The following LHX4 variants were observed in gnomAD, a reference collection of about 807,000 sequenced individuals.
LHX4 encodes the protein LIM homeobox 4.
In LHX4, 16 loss-of-function variants were observed where a neutral mutation model predicts 39.2. The observed-to-expected ratio is 0.41, with a 90% CI of 0.28 to 0.62. The LOEUF (loss-of-function observed/expected upper bound fraction) is 0.62. Ranked by LOEUF, LHX4 falls within the 20% of genes least tolerant of loss-of-function variation. The pLI, the probability that LHX4 is intolerant of heterozygous loss-of-function variation, is 0.33. For missense variants in LHX4, 439 were observed against 511.9 expected, an observed-to-expected ratio of 0.86 and a Z score of 1.37; for synonymous variants, 206 against 198.1, an observed-to-expected ratio of 1.04 and a Z score of -0.33.
chr1:180,275,419 TGTG>T lies in LHX4; in HGVS notation c.*842_*844del, dbSNP rs1203486841. ...GGCTGTAAAATGAGCAAAACTAAAA[TGTG>T]GGGAGAACAAAATGACAATCAATCA... On this transcript the variant is annotated 3_prime_UTR_variant, in exon 6 of 6. Coordinates refer to ENST00000263726, the MANE Select transcript of LHX4 (RefSeq NM_033343.4). 6.6e-6 allele frequency: 1 copy of T among 152,180 alleles called. No individual in the cohort carries two copies. The highest frequency in any genetic ancestry group is 2.4e-5 in the African/African-American group (1 of 41,440). The allele number at this position is 152,180 out of a possible 1,614,324, so 9.4% of individuals were successfully genotyped here. A position where few individuals can be genotyped will look rare whatever the true frequency, so the allele number is the denominator to read the frequency against.
intron 5 of LHX4, 61 bp downstream of exon 5, chr1:180,272,067 C>T: frequency 6.7e-7 from 1 of 1,486,622 alleles, no homozygotes. Flanking sequence ...AATCTGTAAT[C>T]CCTGGCACTC....
chr1:180,266,360 T>C lies in LHX4; in HGVS notation c.249-32T>C, dbSNP rs1368691096. 3 of 1,611,806 alleles carry C rather than the reference T, an allele frequency of 1.9e-6. No individual in the cohort carries two copies. Among genetic ancestry groups the C allele is most frequent in the Non-Finnish European group, 2.5e-6 (3 of 1,178,302 alleles). On this transcript the variant is annotated intron_variant, in intron 2 of 5. Coordinates refer to ENST00000263726, the MANE Select transcript of LHX4 (RefSeq NM_033343.4). This position sits in a 1 kb window ranked among gnomAD's most constrained non-coding sequence, Gnocchi z 5.7. ...GGGAAGCCAGATCCCTTGCTCCCTG[T>C]GTGCCCTAATCCTTTCCTGCTGCCC...
rs756702101 is a variant in LHX4, at chr1:180,274,173, T to C, written c.779-12T>C. On this transcript the variant is annotated splice_polypyrimidine_tract_variant and intron_variant, in intron 5 of 5. Transcript: ENST00000263726. ...GGCAGCTGACAATAAATCTCCGTTC[T>C]TTTGTCCACAGAGGATCAAATTCTC... is the stretch of plus-strand genomic sequence containing the variant. 4.3e-6 allele frequency: 7 copies of C among 1,614,204 alleles called. No individual in the cohort carries two copies. Among genetic ancestry groups the C allele is most frequent in the Admixed American group, 1.7e-5 (1 of 60,028 alleles).
chr1:180,254,343 C>T (rs1043636649), intron 2 of LHX4, among the ~76,000 whole-genome samples: 1 of 152,208 alleles, frequency 6.6e-6, no homozygotes, highest in Non-Finnish European at 1.5e-5. Context: ...GGGAGCTGTG[C>T]GGCTGCTGGG....
rs1389328209 is a variant in LHX4, at chr1:180,234,220, T to TATATATATATATAA, written c.76+3616_76+3617insTATATATATATAAA. Among the ~76,000 whole-genome samples, 7 of 70,202 alleles carry TATATATATATATAA rather than the reference T, an allele frequency of 1.0e-4. No individual in the cohort carries two copies. Among genetic ancestry groups the TATATATATATATAA allele is most frequent in the African/African-American group, 1.5e-4 (2 of 13,244 alleles). 46.1% of individuals were successfully genotyped at this position (70,202 alleles called of 152,430 possible). On this transcript the variant is annotated intron_variant, in intron 1 of 5. Coordinates refer to ENST00000263726, the MANE Select transcript of LHX4 (RefSeq NM_033343.4). The surrounding 1 kb of genome is among the most constrained non-coding windows in gnomAD (Gnocchi z 4.8). ...ATATATATATATATATATATATATA[T>TATATATATATATAA]AATAGATTGAGATTCTATCATATTC...
intron 2 of LHX4, among the ~76,000 whole-genome samples, chr1:180,252,716 G>A (rs79058372): frequency 6.6e-6 from 1 of 152,192 alleles, no homozygotes; most frequent in East Asian, 1.9e-4. Flanking sequence ...CTGGAGGTGG[G>A]TAGTACCTTG....
upstream of LHX4, among the ~76,000 whole-genome samples, chr1:180,229,013 G>C (rs1485843987): frequency 2.0e-5 from 3 of 152,220 alleles, no homozygotes; most frequent in Non-Finnish European, 4.4e-5. Flanking sequence ...CCTGCAGCCC[G>C]GAGGCGTCGA....
chr1:180,254,354 C>G (rs1380592826), intron 2 of LHX4, among the ~76,000 whole-genome samples: 1 of 152,216 alleles, frequency 6.6e-6, no homozygotes, highest in African/African-American at 2.4e-5. Context: ...GGCTGCTGGG[C>G]CAGGCCAGGA....
At chr1:180,242,504 A>C (rs1022377577) in intron 1 of LHX4, among the ~76,000 whole-genome samples, 4 of 152,100 alleles carry the variant, frequency 2.6e-5, no homozygotes, top group Admixed American at 2.0e-4. Context: ...GTGTGTATAT[A>C]TATATATCTG....
rs1338164332 is a variant in LHX4, at chr1:180,248,269, C to T, written c.77-16C>T. ...TGTGGAAGGCTCACAGTGCCTCTCT[C>T]TCCTCTTCCTCACAGAGATTCCCCA... On this transcript the variant is annotated splice_polypyrimidine_tract_variant and intron_variant, in intron 1 of 5. Transcript: ENST00000263726. 2.5e-6 allele frequency: 4 copies of T among 1,613,302 alleles called. No homozygotes were observed. The highest frequency in any genetic ancestry group is 1.7e-6 in the Non-Finnish European group (2 of 1,179,738).
chr1:180,252,824 G>A (rs1647686635), intron 2 of LHX4, among the ~76,000 whole-genome samples: 1 of 152,212 alleles, frequency 6.6e-6, no homozygotes. Flanking sequence ...AGGGGGCGAT[G>A]TTGGTGTGGA....
upstream of LHX4, among the ~76,000 whole-genome samples, chr1:180,229,816 G>C (rs963751083): frequency 1.2e-4 from 18 of 151,018 alleles, no homozygotes; most frequent in African/African-American, 4.4e-4. Context: ...AGGAGGACAC[G>C]AGCCGCGCGG....
intron 1 of LHX4, among the ~76,000 whole-genome samples, chr1:180,235,385 C>T (rs775644139): frequency 3.9e-5 from 6 of 152,234 alleles, no homozygotes; most frequent in Non-Finnish European, 8.8e-5. Flanking sequence ...CGAGTGCGGA[C>T]GGCGCGCCCA....
chr1:180,235,177 C>T (rs1664285844), intron 1 of LHX4, among the ~76,000 whole-genome samples: 1 of 152,262 alleles, frequency 6.6e-6, no homozygotes. Flanking sequence ...CTCTCTCTCC[C>T]CGGTGCGCTG....
At chr1:180,264,543 T>C (rs1350790970) in intron 2 of LHX4, among the ~76,000 whole-genome samples, 1 of 152,220 alleles carries the variant, frequency 6.6e-6, no homozygotes, top group African/African-American at 2.4e-5. Flanking sequence ...GTGTGCTTTG[T>C]TCTACATCCT....
intron 1 of LHX4, among the ~76,000 whole-genome samples, chr1:180,243,581 A>G (rs1456839123): frequency 6.6e-6 from 1 of 152,090 alleles, no homozygotes; most frequent in Non-Finnish European, 1.5e-5. Flanking sequence ...TGTTGCCTGG[A>G]GTGTGGGGTC....
At chr1:180,256,297 G>A (rs12037644) in intron 2 of LHX4, among the ~76,000 whole-genome samples, 1 of 152,178 alleles carries the variant, frequency 6.6e-6, no homozygotes, top group Admixed American at 6.5e-5. Flanking sequence ...ATCTGGCTCA[G>A]CCTTACTCCC....
intron 1 of LHX4, among the ~76,000 whole-genome samples, chr1:180,243,708 G>A (rs1416006452): frequency 2.0e-5 from 3 of 152,010 alleles, no homozygotes; most frequent in Non-Finnish European, 4.4e-5. Flanking sequence ...CCCTCCTGTG[G>A]ACATTAGGCA....
intron 2 of LHX4, among the ~76,000 whole-genome samples, chr1:180,259,389 G>A (rs766740091): frequency 5.9e-5 from 9 of 151,934 alleles, no homozygotes; most frequent in Non-Finnish European, 1.3e-4. Flanking sequence ...AAAGGGGATG[G>A]TTGCTGGGAG....
Sources: gnomAD v4.1 joint callset for allele counts (sites outside exome capture counted in the v4.1 genomes callset) on GRCh38, gnomAD v4.1.1 for gene constraint, Gnocchi (gnomAD v3.1) non-coding constraint, MANE v1.5 for transcripts, NCBI Gene and HGNC (gene_info 2026-07-23, HGNC 2026-07-21) for gene names.